PID1: variants seen among roughly 807,000 people sequenced by gnomAD.
PID1 encodes phosphotyrosine interaction domain containing 1.
Under a neutral mutation model 19.1 loss-of-function variants are expected in PID1, and 10 were observed. The ratio of observed to expected loss-of-function variants is 0.52; its 90% CI spans 0.32 to 0.89. The LOEUF is 0.89. Ranked by LOEUF, PID1 falls within the 40% of genes least tolerant of loss-of-function variation. PID1 has a pLI of 0.03. For missense variants in PID1, 248 were observed against 285.3 expected, an observed-to-expected ratio of 0.87 and a Z score of 0.94; for synonymous variants, 130 against 116.0, an observed-to-expected ratio of 1.12 and a Z score of -0.78.
chr2:229,204,068 C>A (rs1691554237), intron 1 of PID1, among the ~76,000 whole-genome samples: 1 of 152,020 alleles, frequency 6.6e-6, no homozygotes, highest in Admixed American at 6.6e-5. Context: ...GCAAACTAAA[C>A]TTGTTTCTCT....
chr2:229,154,493 C>T (rs1690324906), intron 2 of PID1, among the ~76,000 whole-genome samples: 1 of 152,142 alleles, frequency 6.6e-6, no homozygotes, highest in Non-Finnish European at 1.5e-5. Flanking sequence ...GCAGTTAAAT[C>T]CCACAAAGAT....
chr2:229,209,110 C>A (rs187987359), intron 1 of PID1, among the ~76,000 whole-genome samples: 3 of 152,280 alleles, frequency 2.0e-5, no homozygotes, highest in East Asian at 3.9e-4. Context: ...AAAGGCCACA[C>A]CTGAGAGGGC....
At chr2:229,036,728 A>G (rs1693671360) in intron 2 of PID1, among the ~76,000 whole-genome samples, 1 of 152,190 alleles carries the variant, frequency 6.6e-6, no homozygotes, top group African/African-American at 2.4e-5. Flanking sequence ...GGTCTGGGCA[A>G]CAGAGCTAGA....
intron 2 of PID1, among the ~76,000 whole-genome samples, chr2:229,111,641 T>C (rs1695300532): frequency 6.6e-6 from 1 of 152,206 alleles, no homozygotes; most frequent in South Asian, 2.1e-4. Flanking sequence ...TCTTTTTTTC[T>C]ATACAAATTG....
At chr2:229,156,001 C>T (rs2106195746) in intron 1 of PID1, 37 bp from the exon 2 acceptor site, 1 of 1,597,980 alleles carries the variant, frequency 6.3e-7, no homozygotes, top group East Asian at 2.2e-5. Flanking sequence ...GTAGTTTAAT[C>T]ACTTGGACTT....
rs544425533 is a variant in PID1 at position 229,200,963 on chromosome 2, T to C, written c.31-44999A>G. The stretch of plus-strand genomic sequence containing the variant: ...AACGCATTAACAGGAGAGTCTGAAT[T>C]GGGTTTTGCTCTCTTTCTGATATGC... On this transcript the variant is annotated intron_variant, in intron 1 of 2. Transcript: ENST00000392055. Among the ~76,000 whole-genome samples the C allele has an allele frequency of 9.2e-5, 14 of 152,150 alleles. 1 individual carries two copies. In the South Asian group the frequency reaches 2.9e-3, roughly 32 times the overall value.
chr2:229,199,795 T>A (rs1691457980), intron 1 of PID1, among the ~76,000 whole-genome samples: 1 of 149,448 alleles, frequency 6.7e-6, no homozygotes, highest in South Asian at 2.1e-4. Flanking sequence ...CACATATATA[T>A]AACCCAATCT....
At chr2:229,059,331 T>C (rs1448544866) in intron 2 of PID1, among the ~76,000 whole-genome samples, 2 of 152,234 alleles carry the variant, frequency 1.3e-5, no homozygotes, top group Admixed American at 6.5e-5. Context: ...CTAAAGCATC[T>C]TGACCAATAT....
At chr2:229,049,415 G>A (rs1416618081) in intron 2 of PID1, among the ~76,000 whole-genome samples, 2 of 151,956 alleles carry the variant, frequency 1.3e-5, no homozygotes, top group African/African-American at 2.4e-5. Flanking sequence ...CACTCCATTG[G>A]CCAGAATGTC....
intron 1 of PID1, among the ~76,000 whole-genome samples, chr2:229,205,516 C>T (rs372399075): frequency 2.6e-5 from 4 of 151,846 alleles, no homozygotes; most frequent in Non-Finnish European, 4.4e-5. Flanking sequence ...CTTTGCTCAG[C>T]GGGAGATTTA....
intron 1 of PID1, among the ~76,000 whole-genome samples, chr2:229,224,084 G>A (rs545015467): frequency 6.6e-6 from 1 of 152,278 alleles, no homozygotes; most frequent in African/African-American, 2.4e-5. Context: ...GCTTCCAGCT[G>A]CATCCATGTT....
intron 2 of PID1, among the ~76,000 whole-genome samples, chr2:229,111,350 A>G (rs1010530324): frequency 6.6e-6 from 1 of 152,198 alleles, no homozygotes; most frequent in Non-Finnish European, 1.5e-5. Flanking sequence ...AGTTCCAAAT[A>G]AAAGTACTGA....
At chr2:229,269,394 C>T (rs1690676108) in intron 1 of PID1, among the ~76,000 whole-genome samples, 1 of 152,216 alleles carries the variant, frequency 6.6e-6, no homozygotes, top group Non-Finnish European at 1.5e-5. Context: ...TCACATGCTC[C>T]AGAGCGCACA....
chr2:229,050,700 A>T (rs1482716876), intron 2 of PID1, among the ~76,000 whole-genome samples: 1 of 152,138 alleles, frequency 6.6e-6, no homozygotes, highest in Non-Finnish European at 1.5e-5. Flanking sequence ...GCCATTAGCC[A>T]TCTGGTCACT....
intron 1 of PID1, among the ~76,000 whole-genome samples, chr2:229,266,909 G>A (rs536518415): frequency 2.0e-5 from 3 of 152,254 alleles, no homozygotes; most frequent in South Asian, 2.1e-4. Context: ...CAGATTTGCC[G>A]GTTTTCACCC....
chr2:229,035,756 T>C (rs1360805354), intron 2 of PID1, among the ~76,000 whole-genome samples: 1 of 152,160 alleles, frequency 6.6e-6, no homozygotes, highest in Non-Finnish European at 1.5e-5. Context: ...ATTTACCTTT[T>C]CTCTGGCCAT....
chr2:229,214,073 G>C (rs538129119), intron 1 of PID1, among the ~76,000 whole-genome samples: 2 of 152,284 alleles, frequency 1.3e-5, no homozygotes, highest in African/African-American at 4.8e-5. Flanking sequence ...ATGAAAGGAT[G>C]ACAACATCTG....
rs184512537 is a variant in PID1, at chr2:229,064,187, G to A, written c.178-38079C>T. Among the ~76,000 whole-genome samples, 9 of 152,232 alleles carry A rather than the reference G, an allele frequency of 5.9e-5. No homozygotes were observed. The East Asian group carries it at 1.7e-3, about 29-fold the overall frequency. ...CTGAATGCAATAAGGTGAATGGATT[G>A]GGGAGATTGGAGGCAGCGAAGCAAG... On this transcript the variant is annotated intron_variant, in intron 2 of 2. Coordinates refer to ENST00000392055, the MANE Select transcript of PID1 (RefSeq NM_001100818.2).
chr2:229,123,650 G>C (rs561168429), intron 2 of PID1, among the ~76,000 whole-genome samples: 1 of 152,190 alleles, frequency 6.6e-6, no homozygotes, highest in South Asian at 2.1e-4. Context: ...GCAGTGTTTG[G>C]GGGTTTCACT....
Sources: allele counts gnomAD v4.1 joint callset (sites outside exome capture counted in the v4.1 genomes callset), GRCh38; gene constraint gnomAD v4.1.1; transcripts MANE v1.5; gene names NCBI Gene and HGNC (gene_info 2026-07-23, HGNC 2026-07-21).